NRXN1: variants seen among roughly 807,000 people sequenced by gnomAD.
The protein encoded by NRXN1 is neurexin 1.
Under a neutral mutation model 150.9 loss-of-function variants are expected in NRXN1, and 39 were observed. That is an observed-to-expected ratio of 0.26 (90% CI 0.20 to 0.34). The LOEUF (loss-of-function observed/expected upper bound fraction) is 0.34. Among genes scored for constraint, NRXN1 ranks in the 10% least tolerant of loss-of-function variants. The pLI, the probability that NRXN1 is intolerant of heterozygous loss-of-function variation, is 1.00. For synonymous variants in NRXN1, 924 were observed against 757.0 expected (o/e 1.22, Z -3.62); for missense variants, 1,815 against 1,949.9 (o/e 0.93, Z 1.30).
chr2:50,233,425 G>A (rs7602642), intron 18 of NRXN1, among the ~76,000 whole-genome samples: 1,558 of 152,016 alleles, frequency 0.01, 25 homozygotes, highest in African/African-American at 0.035. Flanking sequence ...TTTTTATTCT[G>A]AAAAATTGGA....
chr2:50,118,615 G>A (rs138058077), intron 18 of NRXN1, among the ~76,000 whole-genome samples: 99 of 152,148 alleles, frequency 6.5e-4, no homozygotes, highest in African/African-American at 2.2e-3. Context: ...AGAGAGTGTG[G>A]CTCTGTGTTT....
intron 8 of NRXN1, among the ~76,000 whole-genome samples, chr2:50,562,608 AAT>A (rs1414764864): frequency 2.6e-5 from 4 of 152,148 alleles, no homozygotes; most frequent in African/African-American, 9.6e-5. Context: ...ATCCACTGAA[AAT>A]ATGTTGTCTT....
intron 18 of NRXN1, among the ~76,000 whole-genome samples, chr2:50,112,755 T>G (rs918674729): frequency 6.6e-6 from 1 of 152,060 alleles, no homozygotes; most frequent in African/African-American, 2.4e-5. Flanking sequence ...AATTCATACC[T>G]GCCTCAGAGG....
chr2:50,542,237 C>T (rs539845720), intron 9 of NRXN1, among the ~76,000 whole-genome samples: 5 of 152,166 alleles, frequency 3.3e-5, no homozygotes, highest in East Asian at 1.9e-4. Context: ...GCCGAGATCA[C>T]GCCATTGCAC....
intron 2 of NRXN1, among the ~76,000 whole-genome samples, chr2:51,018,607 T>G (rs911390808): frequency 1.3e-5 from 2 of 152,082 alleles, no homozygotes; most frequent in African/African-American, 4.8e-5. Flanking sequence ...GACATTTCAA[T>G]TAAGTGCCCA....
Position 50,531,285 on chromosome 2 carries a change from A to C in NRXN1, c.2289T>G (p.Ser763=). ...GILMATTSRD[S]ADTLRLELDA... ...CTAGCTCCAGGCGGAGGGTGTCAGC[A>C]GAGTCTCTAGAAGTGGTTGCCATCA... The change falls in exon 11 of 23, where the codon TCT becomes TCG. Residue 763 remains serine (S), a synonymous_variant. Transcript: ENST00000401669. 6.2e-7 allele frequency: 1 copy of C among 1,613,620 alleles called. No individual in the cohort carries two copies. The highest frequency in any genetic ancestry group is 2.2e-5 in the East Asian group (1 of 44,846).
At chr2:50,672,924 C>T (rs567294902) in intron 5 of NRXN1, among the ~76,000 whole-genome samples, 5 of 152,100 alleles carry the variant, frequency 3.3e-5, no homozygotes, top group African/African-American at 1.2e-4. Context: ...ATTTGCAAAA[C>T]ACTATATTGA....
At chr2:50,646,347 T>C (rs1488102050) in intron 5 of NRXN1, among the ~76,000 whole-genome samples, 1 of 152,070 alleles carries the variant, frequency 6.6e-6, no homozygotes, top group African/African-American at 2.4e-5. Context: ...TCCAGGCAGA[T>C]GCTGCATCAG....
intron 5 of NRXN1, among the ~76,000 whole-genome samples, chr2:50,672,066 G>A (rs965659698): frequency 6.6e-6 from 1 of 151,668 alleles, no homozygotes; most frequent in African/African-American, 2.4e-5. Context: ...CAAATTTATG[G>A]TGACCCATAA....
chr2:50,066,175 G>A (rs1193253791), intron 19 of NRXN1, among the ~76,000 whole-genome samples: 1 of 151,996 alleles, frequency 6.6e-6, no homozygotes, highest in Non-Finnish European at 1.5e-5. Context: ...AAAAGCAATC[G>A]GACTCAATAA....
chr2:50,006,494 T>G lies in NRXN1; in HGVS notation c.4128+46777A>C, dbSNP rs574682547. On this transcript the variant is annotated intron_variant, in intron 21 of 22. Coordinates refer to ENST00000401669, the MANE Select transcript of NRXN1 (RefSeq NM_001330078.2). ...TGCCTTTGCAAACTTTTGTTATACATTCCCATTATACTCATTCTGCATGCC... is the reference window on the plus strand; with the variant it reads ...TGCCTTTGCAAACTTTTGTTATACAGTCCCATTATACTCATTCTGCATGCC... Among the ~76,000 whole-genome samples, 17 of 152,262 alleles carry G rather than the reference T, an allele frequency of 1.1e-4. 1 individual carries two copies. The South Asian group carries it at 1.9e-3, about 17-fold the overall frequency.
At chr2:50,101,844 C>T (rs889941330) in intron 18 of NRXN1, among the ~76,000 whole-genome samples, 1 of 151,940 alleles carries the variant, frequency 6.6e-6, no homozygotes, top group Non-Finnish European at 1.5e-5. Context: ...GTTTGATGGA[C>T]TGACTTCCTA....
chr2:51,031,889 C>T (rs1368880443), intron 1 of NRXN1, 92 bp downstream of exon 1: 2 of 152,118 alleles, frequency 1.3e-5, no homozygotes, highest in Non-Finnish European at 2.9e-5. Context: ...GTATTTGTGG[C>T]AGATCCTGGC....
intron 5 of NRXN1, among the ~76,000 whole-genome samples, chr2:50,670,770 G>A (rs898137012): frequency 6.6e-6 from 1 of 151,822 alleles, no homozygotes; most frequent in Non-Finnish European, 1.5e-5. Flanking sequence ...ATGTGCTGCT[G>A]TTTAGGTTTG....
At chr2:50,737,861 G>GA (rs1021354766) in intron 5 of NRXN1, among the ~76,000 whole-genome samples, 113 of 150,940 alleles carry the variant, frequency 7.5e-4, no homozygotes, top group African/African-American at 2.5e-3. Flanking sequence ...CTCTTGTGTG[G>GA]AAAAAAAAGT....
rs75798965 is a variant in NRXN1 at position 51,031,816 on chromosome 2, G to C, written c.-922+165C>G. ...ATCTCTTCTTGCCATCTATTTAAAA[G>C]GCTTCATGCAAAACAACCAAGATCT... On this transcript the variant is annotated intron_variant, in intron 1 of 22. Transcript: ENST00000401669. Among the ~76,000 whole-genome samples, 5,217 of 109,496 alleles carry C rather than the reference G, an allele frequency of 0.048. 90 individuals carry two copies. Among genetic ancestry groups the C allele is most frequent in the Middle Eastern group, 0.097 (18 of 186 alleles). The allele number at this position is 109,496 out of a possible 152,430, so 71.8% of individuals were successfully genotyped here. A position where few individuals can be genotyped will look rare whatever the true frequency, so the allele number is the denominator to read the frequency against.
chr2:50,092,326 C>T (rs1474993401), intron 18 of NRXN1, among the ~76,000 whole-genome samples: 1 of 152,192 alleles, frequency 6.6e-6, no homozygotes, highest in East Asian at 1.9e-4. Flanking sequence ...GCTATGTCCT[C>T]TGCCTCTGAG....
chr2:50,707,267 A>G (rs1694568760), intron 5 of NRXN1, among the ~76,000 whole-genome samples: 1 of 152,168 alleles, frequency 6.6e-6, no homozygotes, highest in Non-Finnish European at 1.5e-5. Context: ...AAAGACATTC[A>G]GGTGCACTTG....
intron 17 of NRXN1, among the ~76,000 whole-genome samples, chr2:50,261,374 T>C (rs1011949233): frequency 2.4e-4 from 36 of 151,914 alleles, no homozygotes; most frequent in African/African-American, 8.7e-4. Context: ...ATTCATTTTC[T>C]CCTGGAGTTA....
Sources: allele counts gnomAD v4.1 joint callset (sites outside exome capture counted in the v4.1 genomes callset), GRCh38; gene constraint gnomAD v4.1.1; transcripts MANE v1.5; gene names NCBI Gene and HGNC (gene_info 2026-07-23, HGNC 2026-07-21).